Variants in ATF6 observed in about 807,000 individuals in gnomAD.
The protein encoded by ATF6 is cyclic AMP-dependent transcription factor ATF-6 alpha.
In ATF6, 53 loss-of-function variants were observed where a neutral mutation model predicts 83.6. The ratio of observed to expected loss-of-function variants is 0.63; its 90% CI spans 0.51 to 0.80. The LOEUF (loss-of-function observed/expected upper bound fraction) is 0.80, where lower values mean the gene tolerates loss of function less well. ATF6 is among the 30% of genes least tolerant of loss of function. The pLI is 0.00. For missense variants in ATF6, 744 were observed against 797.9 expected, an observed-to-expected ratio of 0.93 and a Z score of 0.81; for synonymous variants, 288 against 285.8, an observed-to-expected ratio of 1.01 and a Z score of -0.08.
At chr1:161,953,582 G>A (rs1688912354) in intron 15 of ATF6, among the ~76,000 whole-genome samples, 1 of 151,940 alleles carries the variant, frequency 6.6e-6, no homozygotes, top group African/African-American at 2.4e-5. Flanking sequence ...CCCTGCCTTT[G>A]GACACTTCCC....
chr1:161,857,373 A>C (rs1686787909), intron 12 of ATF6, among the ~76,000 whole-genome samples: 1 of 152,096 alleles, frequency 6.6e-6, no homozygotes, highest in African/African-American at 2.4e-5. Context: ...GTTGTATCTA[A>C]GCATTATGTC....
At chr1:161,822,242 A>G (rs374666636) in intron 9 of ATF6, among the ~76,000 whole-genome samples, 25 of 152,334 alleles carry the variant, frequency 1.6e-4, no homozygotes, top group Admixed American at 1.6e-3. Flanking sequence ...AAGGAAAGTA[A>G]CAAGAATCTG....
intron 9 of ATF6, among the ~76,000 whole-genome samples, chr1:161,844,029 A>G (rs1207809242): frequency 1.3e-5 from 2 of 152,184 alleles, no homozygotes; most frequent in African/African-American, 4.8e-5. Flanking sequence ...GTGTGAAAGG[A>G]CTTAGGGTTT....
At chr1:161,873,150 T>C (rs1373468963) in intron 14 of ATF6, among the ~76,000 whole-genome samples, 1 of 151,622 alleles carries the variant, frequency 6.6e-6, no homozygotes, top group African/African-American at 2.4e-5. Flanking sequence ...AACCAGATTT[T>C]TGAAAAATCA....
chr1:161,780,788 C>T (rs1430319750), intron 2 of ATF6, among the ~76,000 whole-genome samples: 2 of 152,116 alleles, frequency 1.3e-5, no homozygotes, highest in African/African-American at 4.8e-5. Flanking sequence ...TGGCTCATTG[C>T]AGCCTCCATC....
At position 161,792,311 on chromosome 1, in the gene ATF6, AC is replaced by A; in HGVS notation, c.674del (p.Pro225LeufsTer46). The A allele has an allele frequency of 6.2e-7, 1 of 1,613,858 alleles. No homozygotes were observed. On this transcript the variant is annotated frameshift_variant, in exon 6 of 16. Transcript: ENST00000367942. LOFTEE classifies it high-confidence loss of function. The part of the protein sequence containing the change: ...AKQQPIISLQ[P>X]APTKGQTVLL... ...AGCAGCAACCAATTATCAGTTTACA[AC>A]CTGCACCCACTAAAGGTACCTGAGC... is the stretch of plus-strand genomic sequence containing the variant.
chr1:161,951,721 A>G (rs1688867014), intron 15 of ATF6, among the ~76,000 whole-genome samples: 3 of 152,200 alleles, frequency 2.0e-5, no homozygotes, highest in African/African-American at 7.2e-5. Flanking sequence ...GAGGAAATGC[A>G]TTTGTTTGAT....
At chr1:161,880,049 A>G (rs985339956) in intron 14 of ATF6, among the ~76,000 whole-genome samples, 1 of 152,108 alleles carries the variant, frequency 6.6e-6, no homozygotes, top group South Asian at 2.1e-4. Flanking sequence ...AGGGAACTAT[A>G]CCACTTGGAA....
At chr1:161,915,491 T>A (rs1293417954) in intron 15 of ATF6, among the ~76,000 whole-genome samples, 4 of 152,328 alleles carry the variant, frequency 2.6e-5, no homozygotes, top group African/African-American at 9.6e-5. Flanking sequence ...ACTTCTAAGG[T>A]AATTTCTTCC....
At chr1:161,875,335 C>G (rs1461086795) in intron 14 of ATF6, among the ~76,000 whole-genome samples, 1 of 151,716 alleles carries the variant, frequency 6.6e-6, no homozygotes, top group Non-Finnish European at 1.5e-5. Flanking sequence ...AAATTAAAAT[C>G]CATTGGTTGA....
At chr1:161,845,184 T>G (rs534792303) in intron 9 of ATF6, among the ~76,000 whole-genome samples, 2 of 152,134 alleles carry the variant, frequency 1.3e-5, no homozygotes, top group Non-Finnish European at 2.9e-5. Context: ...GCTCCCCGTT[T>G]TCCCCCAACA....
At chr1:161,873,891 A>AT (rs1185558106) in intron 14 of ATF6, among the ~76,000 whole-genome samples, 1 of 151,618 alleles carries the variant, frequency 6.6e-6, no homozygotes, top group Non-Finnish European at 1.5e-5. Flanking sequence ...GAATGAATAA[A>AT]TGAACAAATT....
intron 15 of ATF6, among the ~76,000 whole-genome samples, chr1:161,941,997 G>A (rs978318394): frequency 1.2e-4 from 18 of 151,318 alleles, no homozygotes; most frequent in African/African-American, 4.1e-4. Context: ...GGTTTTGTTT[G>A]TTTGTTTTTT....
intron 14 of ATF6, among the ~76,000 whole-genome samples, chr1:161,897,204 C>T (rs551654132): frequency 4.6e-5 from 7 of 152,060 alleles, no homozygotes; most frequent in African/African-American, 1.2e-4. Context: ...GAGGCTGAAG[C>T]GGGCGGCTTG....
rs528089217 is a variant in ATF6, at chr1:161,899,820, T to C, written c.1720-12476T>C. ...CCTATGACCTATATATTCCACAGCTTACTTCAATGCTTCTATTAGGCACCC... is the reference window on the plus strand; with the variant it reads ...CCTATGACCTATATATTCCACAGCTCACTTCAATGCTTCTATTAGGCACCC... On this transcript the variant is annotated intron_variant, in intron 14 of 15. Transcript: ENST00000367942. Among the ~76,000 whole-genome samples the C allele has an allele frequency of 3.9e-5, 6 of 152,300 alleles. No individual in the cohort carries two copies. The South Asian group carries it at 8.3e-4, about 21-fold the overall frequency.
intron 6 of ATF6, 73 bp from the exon 7 acceptor site, chr1:161,801,979 A>G: frequency 1.4e-6 from 2 of 1,425,982 alleles, no homozygotes; most frequent in Admixed American, 1.7e-5. Flanking sequence ...TGCAGAAAAG[A>G]CCTAATTATA....
chr1:161,842,877 C>T (rs1055426873), intron 9 of ATF6, among the ~76,000 whole-genome samples: 12 of 152,220 alleles, frequency 7.9e-5, no homozygotes, highest in Non-Finnish European at 1.3e-4. Flanking sequence ...GCACATCCTA[C>T]CACACAGTTC....
intron 9 of ATF6, among the ~76,000 whole-genome samples, chr1:161,825,781 T>C (rs927244581): frequency 2.0e-5 from 3 of 152,122 alleles, no homozygotes; most frequent in Non-Finnish European, 4.4e-5. Flanking sequence ...GATTAAACCA[T>C]TGGCCATTGG....
At chr1:161,794,463 G>T (rs1224670553) in intron 6 of ATF6, among the ~76,000 whole-genome samples, 4 of 151,822 alleles carry the variant, frequency 2.6e-5, no homozygotes, top group African/African-American at 7.3e-5. Flanking sequence ...TTAGTTTTTT[G>T]TTTTTTTGTT....
Sources: allele counts gnomAD v4.1 joint callset (sites outside exome capture counted in the v4.1 genomes callset), GRCh38; gene constraint gnomAD v4.1.1; transcripts MANE v1.5; gene names NCBI Gene and HGNC (gene_info 2026-07-23, HGNC 2026-07-21).